ANKRD11: variants seen among roughly 807,000 people sequenced by gnomAD.
ANKRD11 encodes ankyrin repeat domain 11, also known as ankyrin repeat domain-containing protein 11.
In ANKRD11, 17 loss-of-function variants were observed where a neutral mutation model predicts 195.7. That is an observed-to-expected ratio of 0.09 (90% confidence interval 0.06 to 0.13). ANKRD11 has a LOEUF of 0.13. ANKRD11 is among the 10% of genes least tolerant of loss of function. ANKRD11 has a pLI of 1.00. For synonymous variants in ANKRD11, 1,953 were observed against 1,528.1 expected, an observed-to-expected ratio of 1.28 and a Z score of -6.49; for missense variants, 3,735 against 3,566.1, an observed-to-expected ratio of 1.05 and a Z score of -1.21.
intron 2 of ANKRD11, among the ~76,000 whole-genome samples, chr16:89,331,484 G>A (rs1039630212): frequency 6.6e-6 from 1 of 152,204 alleles, no homozygotes; most frequent in Admixed American, 6.6e-5. Context: ...ATCTTAGTGT[G>A]TAGACCCTGT....
rs1243143098 is a variant in ANKRD11, at chr16:89,283,510, T to C, written c.3032A>G (p.Lys1011Arg). 6.2e-7 allele frequency: 1 copy of C among 1,613,818 alleles called. No homozygotes were observed. The highest frequency in any genetic ancestry group is 1.7e-5 in the Admixed American group (1 of 60,014). ...CCTTTCCTTATCGGGGCCATCCTTC[T>C]TCTCCTTCTCTCGTGCTGGGTGGTG... is the stretch of plus-strand genomic sequence containing the variant. ...ERHHPAREKE[K>R]KDGPDKERKE... Residue 1011 changes from lysine to arginine, a missense_variant, in exon 9 of 13, where the codon AAG (lysine) becomes AGG (arginine). By Grantham distance (26) the Lys-to-Arg change is conservative (BLOSUM62 2). Coordinates refer to ENST00000301030, the MANE Select transcript of ANKRD11 (RefSeq NM_013275.6). This position sits in a 1 kb window ranked among gnomAD's most constrained non-coding sequence, Gnocchi z 4.3.
intron 3 of ANKRD11, among the ~76,000 whole-genome samples, chr16:89,315,850 C>A (rs560166766): frequency 2.0e-5 from 3 of 152,294 alleles, no homozygotes; most frequent in South Asian, 2.1e-4. Context: ...GCGTGTGGAA[C>A]CCCTGCTGAG....
At chr16:89,364,007 C>T (rs2039843145) in intron 2 of ANKRD11, among the ~76,000 whole-genome samples, 2 of 151,808 alleles carry the variant, frequency 1.3e-5, no homozygotes, top group Admixed American at 1.3e-4. Context: ...GTGTGGTGAG[C>T]TATCATTGTG....
chr16:89,430,962 C>T (rs1482828885), intron 1 of ANKRD11, among the ~76,000 whole-genome samples: 2 of 151,968 alleles, frequency 1.3e-5, no homozygotes, highest in African/African-American at 4.8e-5. Context: ...GGTGCGCAGG[C>T]GGAGAAACAG....
intron 1 of ANKRD11, among the ~76,000 whole-genome samples, chr16:89,448,615 C>T (rs1471990381): frequency 6.6e-6 from 1 of 152,186 alleles, no homozygotes; most frequent in Non-Finnish European, 1.5e-5. Flanking sequence ...AAAATACCTT[C>T]CAAATAATCT....
At position 89,280,871 on chromosome 16, in the gene ANKRD11, A is replaced by C; in HGVS notation, c.5671T>G (p.Ser1891Ala). 6.2e-7 allele frequency: 1 copy of C among 1,604,026 alleles called. No individual in the cohort carries two copies. Residue 1891 changes from serine to alanine, a missense_variant, in exon 9 of 13, where the codon TCC (serine) becomes GCC (alanine). By Grantham distance (99) the Ser-to-Ala change is moderately conservative. Transcript: ENST00000301030. ...AGCAGCTCGGCTCTGGGGGAAGGGG[A>C]AGGTTTTGCTTGTAAACTTGAGAAG... ...GVFSSLQAKP[S>A]PSPRAELLVP...
Position 89,282,071 on chromosome 16 carries a change from C to T in ANKRD11, c.4471G>A (p.Glu1491Lys), listed in dbSNP as rs1296165234. ...ADGLLRHHRD[E>K]LLRHHRDEQK... is the part of the protein sequence containing the mutation. ...TCGTCCCTGTGATGCCGCAGGAGCT[C>T]GTCCCTGTGATGCCGCAGCAGCCCA... Residue 1491 changes from glutamate to lysine, a missense_variant, in exon 9 of 13, where the codon GAG becomes AAG. Transcript: ENST00000301030. The T allele has an allele frequency of 2.5e-6, 4 of 1,613,740 alleles. No individual in the cohort carries two copies. The South Asian group carries it at 3.3e-5, about 13-fold the overall frequency.
chr16:89,315,997 G>A (rs982550868), intron 3 of ANKRD11, among the ~76,000 whole-genome samples: 1 of 152,118 alleles, frequency 6.6e-6, no homozygotes, highest in Non-Finnish European at 1.5e-5. Flanking sequence ...AACACACTGA[G>A]GGGACCCTGC....
chr16:89,331,276 T>A (rs1486152513), intron 2 of ANKRD11, among the ~76,000 whole-genome samples: 1 of 152,220 alleles, frequency 6.6e-6, no homozygotes, highest in Non-Finnish European at 1.5e-5. Context: ...TTCTTAATAT[T>A]AACTTCATGT....
At chr16:89,383,691 A>T (rs1003767688) in intron 2 of ANKRD11, among the ~76,000 whole-genome samples, 3 of 152,180 alleles carry the variant, frequency 2.0e-5, no homozygotes, top group Non-Finnish European at 4.4e-5. Context: ...GCAGACGTCC[A>T]GCCCCTGCCC....
In ANKRD11 at chr16:89,279,572, G is replaced by A. The variant is rs1223941286; in HGVS notation, c.6970C>T (p.Pro2324Ser). Reference sequence around the variant, plus strand: ...ATCTCCTCCACTCGGGGGGCCTTCGGGGCTTCGGCCGTGGGTTTTGGTTCT... The same window carrying A: ...ATCTCCTCCACTCGGGGGGCCTTCGAGGCTTCGGCCGTGGGTTTTGGTTCT... ...AAEPKPTAEAPKAPRVEEIPQ... is the reference protein window; with the variant it reads ...AAEPKPTAEASKAPRVEEIPQ... Residue 2324 changes from proline to serine, a missense_variant, in exon 9 of 13, where the codon CCG becomes TCG. Physicochemically the swap from Pro to Ser is moderately conservative, Grantham distance 74. Coordinates refer to ENST00000301030, the MANE Select transcript of ANKRD11 (RefSeq NM_013275.6). This position sits in a 1 kb window ranked among gnomAD's most constrained non-coding sequence, Gnocchi z 5.6. The A allele has an allele frequency of 2.1e-6, 3 of 1,451,216 alleles. No homozygotes were observed. The highest frequency in any genetic ancestry group is 5.0e-4 in the Middle Eastern group (2 of 4,018). The allele number at this position is 1,451,216 out of a possible 1,614,324, so 89.9% of individuals were successfully genotyped here. A position where few individuals can be genotyped will look rare whatever the true frequency, so the allele number is the denominator to read the frequency against.
intron 6 of ANKRD11, among the ~76,000 whole-genome samples, chr16:89,289,525 A>C (rs1174011118): frequency 2.0e-5 from 3 of 152,176 alleles, no homozygotes; most frequent in Non-Finnish European, 1.5e-5. Flanking sequence ...AGGTCTGGGG[A>C]GGCTCGCTCA....
chr16:89,281,600 G>A lies in ANKRD11; in HGVS notation c.4942C>T (p.Pro1648Ser). ...TCTTTGAGCTTTTTGTCTTTAAATG[G>A]AGGGTCCAGCCCCGGCGGTTTCTTA... Reference protein sequence around the residue: ...PAKKPPGLDPPFKDKKLKEST... With the variant: ...PAKKPPGLDPSFKDKKLKEST... The change falls in exon 9 of 13, where the codon CCA becomes TCA. Residue 1648 changes from proline (P) to serine (S), a missense_variant. Transcript: ENST00000301030. The surrounding 1 kb of genome is among the most constrained non-coding windows in gnomAD (Gnocchi z 5.5). 6.2e-7 allele frequency: 1 copy of A among 1,614,172 alleles called. No homozygotes were observed. The highest frequency in any genetic ancestry group is 8.5e-7 in the Non-Finnish European group (1 of 1,180,018).
rs111596062 is a variant in ANKRD11, at chr16:89,280,455, G to A, written c.6087C>T (p.Val2029=). ...TGACGTCCTCCAGCCCCGGCTCAGCGACGGGCAGAGCGTACGGGGCAGGAG... is the reference window on the plus strand; with the variant it reads ...TGACGTCCTCCAGCCCCGGCTCAGCAACGGGCAGAGCGTACGGGGCAGGAG... ...PASPAPYALP[V]AEPGLEDVKD... Residue 2029 remains valine, a synonymous_variant, in exon 9 of 13, where the codon GTC becomes GTT. Coordinates refer to ENST00000301030, the MANE Select transcript of ANKRD11 (RefSeq NM_013275.6). 2.6e-5 allele frequency: 41 copies of A among 1,591,464 alleles called. 1 individual carries two copies. The highest frequency in any genetic ancestry group is 1.3e-4 in the African/African-American group (10 of 74,298).
At position 89,284,794 on chromosome 16, in the gene ANKRD11, C is replaced by G. The variant is rs773648685; in HGVS notation, c.1748G>C (p.Gly583Ala). The change falls in exon 9 of 13, where the codon GGC becomes GCC. Residue 583 changes from glycine to alanine, a missense_variant. Coordinates refer to ENST00000301030, the MANE Select transcript of ANKRD11 (RefSeq NM_013275.6). ...TGGCTTCAGCGATTCCACACTGGAGCCCTCAGAGGAGTAGTCAGACTCGCT... is the reference window on the plus strand; with the variant it reads ...TGGCTTCAGCGATTCCACACTGGAGGCCTCAGAGGAGTAGTCAGACTCGCT... ...LTSESDYSSE[G>A]SSVESLKPVR... is the part of the protein sequence containing the mutation. 3.3e-5 allele frequency: 53 copies of G among 1,613,622 alleles called. 1 individual carries two copies. In the South Asian group the frequency reaches 4.9e-4, roughly 15 times the overall value.
intron 2 of ANKRD11, chr16:89,392,488 G>C (rs752056730): frequency 6.6e-6 from 1 of 152,084 alleles, no homozygotes; most frequent in Non-Finnish European, 1.5e-5. Flanking sequence ...TTTTGAAAAT[G>C]TCTCAATGGG....
intron 1 of ANKRD11, among the ~76,000 whole-genome samples, chr16:89,451,740 A>G (rs2044084853): frequency 6.6e-6 from 1 of 152,148 alleles, no homozygotes; most frequent in Admixed American, 6.6e-5. Context: ...ACTTTTAGTA[A>G]GCAAACTTAA....
At chr16:89,324,124 C>G (rs2037541539) in intron 2 of ANKRD11, 1 of 768,394 alleles carries the variant, frequency 1.3e-6, no homozygotes, top group Admixed American at 4.4e-5. Flanking sequence ...TGCCCCACGG[C>G]ACAACGCTCT....
At chr16:89,324,493 C>T in intron 2 of ANKRD11, 1 of 456,472 alleles carries the variant, frequency 2.2e-6, no homozygotes, top group Non-Finnish European at 4.4e-6. Context: ...TGTAACTGTT[C>T]CTGGGAGCAT....
Sources: gnomAD v4.1 joint callset for allele counts (sites outside exome capture counted in the v4.1 genomes callset) on GRCh38, gnomAD v4.1.1 for gene constraint, Gnocchi (gnomAD v3.1) non-coding constraint, MANE v1.5 for transcripts, NCBI Gene and HGNC (gene_info 2026-07-23, HGNC 2026-07-21) for gene names.